Variants in GART observed in about 807,000 individuals in gnomAD.
The protein encoded by GART is phosphoribosylglycinamide formyltransferase, phosphoribosylglycinamide synthetase, phosphoribosylaminoimidazole synthetase.
A neutral mutation model predicts 107.2 loss-of-function variants in GART; 43 were observed. That is an observed-to-expected ratio of 0.40 (90% confidence interval 0.31 to 0.52). The LOEUF is 0.52. GART is among the 20% of genes least tolerant of loss of function. GART has a pLI of 0.52. For synonymous variants in GART, 434 were observed against 427.0 expected, an observed-to-expected ratio of 1.02 and a Z score of -0.20; for missense variants, 1,107 against 1,206.5, an observed-to-expected ratio of 0.92 and a Z score of 1.22.
At chr21:33,530,219 G>A (rs1465357827) in intron 7 of GART, among the ~76,000 whole-genome samples, 1 of 152,182 alleles carries the variant, frequency 6.6e-6, no homozygotes, top group Non-Finnish European at 1.5e-5. Context: ...CAAAAACTGT[G>A]CCGAAATTGT....
At chr21:33,517,633 GA>G in intron 14 of GART, 25 bp from the exon 15 acceptor site, 1 of 1,612,296 alleles carries the variant, frequency 6.2e-7, no homozygotes, top group South Asian at 1.1e-5. Context: ...CAAGAACAAA[GA>G]AATCAGAGTA....
At position 33,528,297 on chromosome 21, in the gene GART, C is replaced by G. The variant is rs1302785477; in HGVS notation, c.936G>C (p.Val312=). 1.2e-6 allele frequency: 2 copies of G among 1,614,062 alleles called. No individual in the cohort carries two copies. Among genetic ancestry groups the G allele is most frequent in the Non-Finnish European group, 1.7e-6 (2 of 1,180,016 alleles). Residue 312 remains valine, a synonymous_variant, in exon 10 of 22, where the codon GTG becomes GTC. Coordinates refer to ENST00000381815, the MANE Select transcript of GART (RefSeq NM_000819.5). ...LPLLKSDLYE[V]IQSTLDGLLC... Reference sequence around the variant, plus strand: ...GCAGTCCATCTAAGGTGGACTGAATCACTTCATAAAGATCACTTTTAAGAA... The same window carrying G: ...GCAGTCCATCTAAGGTGGACTGAATGACTTCATAAAGATCACTTTTAAGAA...
In GART at chr21:33,534,630, G is replaced by A. The variant is rs2085269831; in HGVS notation, c.365C>T (p.Ala122Val). 6.2e-7 allele frequency: 1 copy of A among 1,614,098 alleles called. No individual in the cohort carries two copies. Among genetic ancestry groups the A allele is most frequent in the Non-Finnish European group, 8.5e-7 (1 of 1,180,014 alleles). Residue 122 changes from alanine to valine, a missense_variant, in exon 4 of 22, where the codon GCA becomes GTA. Transcript: ENST00000381815. ...EFMDRHGIPT[A>V]QWKAFTKPEE... is the part of the protein sequence containing the mutation. ...AGGTTTGGTGAAAGCCTTCCATTGT[G>A]CGGTTGGGATTCCATGTCTGTCCAT...
chr21:33,532,273 A>G, intron 5 of GART, 72 bp downstream of exon 5: 1 of 1,084,362 alleles, frequency 9.2e-7, no homozygotes. Flanking sequence ...TGTGAGGAAC[A>G]TTTTTTAAAC....
At position 33,532,778 on chromosome 21, in the gene GART, A is replaced by G. The variant is rs571900017; in HGVS notation, c.417-322T>C. ...TCTAAGATACAAAGTAGCAAATAGT[A>G]CTCTCATTCAGGTAGAAAATGCGGC... is the stretch of plus-strand genomic sequence containing the variant. On this transcript the variant is annotated intron_variant, in intron 4 of 21. Transcript: ENST00000381815. Among the ~76,000 whole-genome samples, 6 of 152,290 alleles carry G rather than the reference A, an allele frequency of 3.9e-5. No homozygotes were observed. In the East Asian group the frequency reaches 1.2e-3, roughly 29 times the overall value.
In GART at chr21:33,520,371, A is replaced by G; in HGVS notation, c.1695T>C (p.Ala565=). 2 of 1,614,068 alleles carry G rather than the reference A, an allele frequency of 1.2e-6. No individual in the cohort carries two copies. Among genetic ancestry groups the G allele is most frequent in the Non-Finnish European group, 8.5e-7 (1 of 1,179,908 alleles). ...IAKACGKAGC[A]LLGGETAEMP... is the part of the protein sequence containing the mutation. ...TAAAATGGCTGATCATACCAAGGAGAGCACATCCAGCTTTTCCACAAGCTT... is the reference window on the plus strand; with the variant it reads ...TAAAATGGCTGATCATACCAAGGAGGGCACATCCAGCTTTTCCACAAGCTT... Residue 565 remains alanine (A), a synonymous_variant, in exon 14 of 22, where the codon GCT becomes GCC. Transcript: ENST00000381815.
intron 18 of GART, chr21:33,509,457 CTAAT>C (rs771404495): frequency 5.4e-5 from 11 of 205,006 alleles, no homozygotes; most frequent in Non-Finnish European, 1.1e-4. Flanking sequence ...TAAACTTCTT[CTAAT>C]TAATAAGATA....
intron 10 of GART, among the ~76,000 whole-genome samples, chr21:33,525,460 G>C (rs1354604938): frequency 6.6e-6 from 1 of 152,098 alleles, no homozygotes; most frequent in East Asian, 1.9e-4. Flanking sequence ...TTTTGAGACG[G>C]AGTCTCACTC....
intron 17 of GART, 40 bp from the exon 18 acceptor site, chr21:33,509,960 T>A (rs1569010923): frequency 6.4e-7 from 1 of 1,562,754 alleles, no homozygotes; most frequent in African/African-American, 1.4e-5. Flanking sequence ...AAAGAACAAT[T>A]GTGAATTAAC....
intron 4 of GART, 126 bp downstream of exon 4, chr21:33,534,453 G>C: frequency 1.1e-6 from 1 of 912,462 alleles, no homozygotes; most frequent in South Asian, 1.6e-5. Flanking sequence ...CTGAGCTCAA[G>C]TGATTCACCT....
chr21:33,515,740 C>T (rs1048038376), intron 16 of GART, among the ~76,000 whole-genome samples: 1 of 151,346 alleles, frequency 6.6e-6, no homozygotes. Flanking sequence ...TTGCTGCATG[C>T]ATAAAATTAT....
intron 5 of GART, chr21:33,531,827 T>C: frequency 5.0e-6 from 2 of 397,156 alleles, no homozygotes; most frequent in Non-Finnish European, 8.9e-6. Flanking sequence ...AAATAAGGTA[T>C]GGGAAAAACA....
At chr21:33,508,726 A>T (rs1330597744) in intron 18 of GART, among the ~76,000 whole-genome samples, 2 of 152,062 alleles carry the variant, frequency 1.3e-5, no homozygotes, top group Non-Finnish European at 2.9e-5. Flanking sequence ...CATGTTGGCC[A>T]GGATGGTCTC....
At chr21:33,533,611 A>G (rs1353963520) in intron 4 of GART, among the ~76,000 whole-genome samples, 2 of 152,048 alleles carry the variant, frequency 1.3e-5, no homozygotes, top group African/African-American at 4.8e-5. Flanking sequence ...GCGTTTGTCA[A>G]TCTGACCGTG....
chr21:33,535,297 C>G lies in GART; in HGVS notation c.169G>C (p.Ala57Pro). ...NTAISISDHT[A>P]LAQFCKEKKI... is the part of the protein sequence containing the mutation. ...TTCTCTTTGCAGAATTGAGCAAGGG[C>G]AGTGTGGTCACTGATTGAGATGGCT... is the stretch of plus-strand genomic sequence containing the variant. Residue 57 changes from alanine (A) to proline (P), a missense_variant, in exon 3 of 22, where the codon GCC becomes CCC. Ala to Pro is a conservative substitution (Grantham distance 27). Transcript: ENST00000381815. The G allele has an allele frequency of 7.8e-7, 1 of 1,287,788 alleles. No individual in the cohort carries two copies. Among genetic ancestry groups the G allele is most frequent in the Non-Finnish European group, 1.1e-6 (1 of 951,900 alleles). The allele number at this position is 1,287,788 out of a possible 1,614,324, so 79.8% of individuals were successfully genotyped here. A position where few individuals can be genotyped will look rare whatever the true frequency, so the allele number is the denominator to read the frequency against.
intron 14 of GART, chr21:33,518,717 A>G: frequency 2.3e-6 from 1 of 441,628 alleles, no homozygotes; most frequent in Non-Finnish European, 4.4e-6. Context: ...ACTCCTTACA[A>G]GATCTAGAAC....
At chr21:33,541,333 G>C (rs1222184066) in intron 1 of GART, among the ~76,000 whole-genome samples, 1 of 152,170 alleles carries the variant, frequency 6.6e-6, no homozygotes, top group Non-Finnish European at 1.5e-5. Context: ...TTTTAGTAGC[G>C]ACGGGGTTTC....
intron 14 of GART, among the ~76,000 whole-genome samples, chr21:33,520,044 T>C (rs2084942267): frequency 6.6e-6 from 1 of 152,044 alleles, no homozygotes; most frequent in Non-Finnish European, 1.5e-5. Context: ...AAATAACTCC[T>C]AGACCTGTTT....
rs771796948 is a variant in GART, at chr21:33,539,207, C to T, written c.109G>A (p.Ala37Thr). The change falls in exon 2 of 22, where the codon GCA (alanine) becomes ACA (threonine). Residue 37 changes from alanine (A) to threonine (T), a missense_variant. By Grantham distance (58) the Ala-to-Thr change is moderately conservative. Transcript: ENST00000381815. ...ATCTTTTCAGAGCAGGCAGTGCCTG[C>T]GTTTCCTGGGGCAACCAACACTTGT... is the stretch of plus-strand genomic sequence containing the variant. ...VKQVLVAPGNAGTACSEKISN... is the reference protein window; with the variant it reads ...VKQVLVAPGNTGTACSEKISN... 6.2e-6 allele frequency: 10 copies of T among 1,614,088 alleles called. No individual in the cohort carries two copies. The highest frequency in any genetic ancestry group is 2.7e-5 in the African/African-American group (2 of 75,040).
Sources: allele counts gnomAD v4.1 joint callset (sites outside exome capture counted in the v4.1 genomes callset), GRCh38; gene constraint gnomAD v4.1.1; transcripts MANE v1.5; gene names NCBI Gene and HGNC (gene_info 2026-07-23, HGNC 2026-07-21).